The following MYL12A variants were observed in gnomAD, a reference collection of about 807,000 sequenced individuals.
MYL12A encodes myosin light chain 12A.
MYL12A carries 11 observed loss-of-function variants against 13.3 expected under a neutral mutation model. The ratio of observed to expected loss-of-function variants is 0.83; its 90% CI spans 0.52 to 1.37. The LOEUF is 1.37. MYL12A is among the 40% of genes most tolerant of loss of function. MYL12A has a pLI of 0.00. For synonymous variants in MYL12A, 51 were observed against 69.9 expected (o/e 0.73, Z 1.35); for missense variants, 146 against 212.3 (o/e 0.69, Z 1.94).
chr18:3,252,969 T>C (rs1360893990), intron 1 of MYL12A, among the ~76,000 whole-genome samples: 2 of 151,890 alleles, frequency 1.3e-5, no homozygotes, highest in Non-Finnish European at 2.9e-5. Context: ...AACTTGGGAG[T>C]TTCCTAAGTA....
At chr18:3,252,085 A>G in intron 1 of MYL12A, 1 of 425,408 alleles carries the variant, frequency 2.4e-6, no homozygotes, top group Non-Finnish European at 4.2e-6. Flanking sequence ...GCTGAGATCT[A>G]GGTGGTAGTT....
Position 3,253,930 on chromosome 18 carries a change from G to A in MYL12A, c.223G>A (p.Glu75Lys). 6.2e-7 allele frequency: 1 copy of A among 1,612,572 alleles called. No individual in the cohort carries two copies. The highest frequency in any genetic ancestry group is 8.5e-7 in the Non-Finnish European group (1 of 1,179,648). ...TDEYLDAMMN[E>K]APGPINFTMF... The stretch of plus-strand genomic sequence containing the variant: ...TGAGTATCTAGATGCCATGATGAAT[G>A]AGGCTCCAGGCCCCATCAATTTCAC... Residue 75 changes from glutamate (E) to lysine (K), a missense_variant, in exon 3 of 4, where the codon GAG (glutamate) becomes AAG (lysine). Glu to Lys is a moderately conservative substitution (Grantham distance 56, BLOSUM62 1). Coordinates refer to ENST00000217652, the MANE Select transcript of MYL12A (RefSeq NM_006471.4).
Position 3,256,100 on chromosome 18 carries a change from G to A in MYL12A, c.*182G>A. On this transcript the variant is annotated 3_prime_UTR_variant, in exon 4 of 4. Coordinates refer to ENST00000217652, the MANE Select transcript of MYL12A (RefSeq NM_006471.4). ...GGACTTTCTATTAATATCATTTTCA[G>A]AATAAAAAATAGGATAATTTAACCT... is the stretch of plus-strand genomic sequence containing the variant. The A allele has an allele frequency of 1.3e-6, 1 of 754,596 alleles. No homozygotes were observed. 46.7% of individuals were successfully genotyped at this position (754,596 alleles called of 1,614,324 possible).
intron 3 of MYL12A, 27 bp from the exon 4 acceptor site, chr18:3,255,719 T>C: frequency 6.2e-7 from 1 of 1,605,046 alleles, no homozygotes; most frequent in Non-Finnish European, 8.5e-7. Flanking sequence ...TAGTATGTAT[T>C]CTGATCCCTT....
At chr18:3,253,159 A>G in intron 1 of MYL12A, 74 bp from the exon 2 acceptor site, 1 of 1,475,080 alleles carries the variant, frequency 6.8e-7, no homozygotes, top group Non-Finnish European at 9.2e-7. Flanking sequence ...ACTTTTGTTA[A>G]TCATTGTTTT....
chr18:3,253,567 C>A, intron 2 of MYL12A, 139 bp downstream of exon 2: 1 of 1,120,242 alleles, frequency 8.9e-7, no homozygotes, highest in Non-Finnish European at 1.3e-6. Flanking sequence ...ACAGTGTTTC[C>A]CACCGGATCA....
In MYL12A at chr18:3,256,216, A is replaced by C. The variant is rs1175191585; in HGVS notation, c.*298A>C. 1 of 279,386 alleles carries C rather than the reference A, an allele frequency of 3.6e-6. No homozygotes were observed. Among genetic ancestry groups the C allele is most frequent in the Non-Finnish European group, 6.6e-6 (1 of 150,664 alleles). The allele number at this position is 279,386 out of a possible 1,614,324, so 17.3% of individuals were successfully genotyped here. ...TTCGCTCGATTTTTTCTGAATCATA[A>C]TTAAACTTTATGATAAAATACTTAC... On this transcript the variant is annotated 3_prime_UTR_variant, in exon 4 of 4. Coordinates refer to ENST00000217652, the MANE Select transcript of MYL12A (RefSeq NM_006471.4).
intron 1 of MYL12A, chr18:3,252,538 T>G: frequency 9.0e-7 from 1 of 1,113,252 alleles, no homozygotes; most frequent in South Asian, 2.1e-5. Context: ...CTTTTAAAAT[T>G]ATTTTAAAAG....
Position 3,253,220 on chromosome 18 carries a change from C to A in MYL12A, c.-15-13C>A. The A allele has an allele frequency of 6.3e-7, 1 of 1,577,836 alleles. No individual in the cohort carries two copies. Among genetic ancestry groups the A allele is most frequent in the Non-Finnish European group, 8.6e-7 (1 of 1,159,986 alleles). On this transcript the variant is annotated splice_polypyrimidine_tract_variant and intron_variant, in intron 1 of 3. Transcript: ENST00000217652. ...GTTGATTTGGTTTTTATTGTATTTC[C>A]TTTCCTAATTAGGACTTAACCACCA...
At chr18:3,253,101 G>A in intron 1 of MYL12A, 132 bp from the exon 2 acceptor site, 2 of 944,132 alleles carry the variant, frequency 2.1e-6, no homozygotes, top group Non-Finnish European at 3.1e-6. Context: ...GTCTTCTAAA[G>A]ACACATTTCT....
chr18:3,252,388 T>C, intron 1 of MYL12A: 1 of 1,502,018 alleles, frequency 6.7e-7, no homozygotes, highest in Non-Finnish European at 8.9e-7. Context: ...TTTTGTAGTT[T>C]TTAACAGATT....
chr18:3,254,128 TATG>T (rs374042292), intron 3 of MYL12A, 78 bp downstream of exon 3: 12 of 1,491,258 alleles, frequency 8.0e-6, no homozygotes, highest in Middle Eastern at 2.3e-4. Flanking sequence ...TAACTTAAAA[TATG>T]ATAACGCTCT....
At position 3,253,408 on chromosome 18, in the gene MYL12A, A is replaced by G. The variant is rs767393323; in HGVS notation, c.161A>G (p.His54Arg). The G allele has an allele frequency of 5.6e-6, 9 of 1,613,498 alleles. No homozygotes were observed. The African/African-American group carries it at 6.7e-5, about 12-fold the overall frequency. Residue 54 changes from histidine (H) to arginine (R), a missense_variant, in exon 2 of 4, where the codon CAT becomes CGT. By Grantham distance (29) the His-to-Arg change is conservative (BLOSUM62 0). Transcript: ENST00000217652. ...RDGFIDKEDL[H>R]DMLASLGKNP... The stretch of plus-strand genomic sequence containing the variant: ...GGTTTCATCGACAAGGAAGATTTGC[A>G]TGATATGCTTGCTTCATTGGGTAAT...
intron 3 of MYL12A, among the ~76,000 whole-genome samples, chr18:3,254,674 C>G (rs948158417): frequency 5.3e-5 from 8 of 152,214 alleles, no homozygotes; most frequent in Non-Finnish European, 1.0e-4. Context: ...AAGTACTTAG[C>G]ATACTGTGTG....
intron 1 of MYL12A, chr18:3,252,320 A>G (rs2081494354): frequency 6.5e-7 from 1 of 1,533,584 alleles, no homozygotes; most frequent in Admixed American, 2.0e-5. Flanking sequence ...GCAACTCTGA[A>G]GGATGGTATG....
intron 1 of MYL12A, chr18:3,252,562 T>G: frequency 1.0e-6 from 1 of 983,890 alleles, no homozygotes. Flanking sequence ...GTGCTCTGAT[T>G]TCTGTTTAGA....
chr18:3,249,087 G>A (rs1239210055), intron 1 of MYL12A, among the ~76,000 whole-genome samples: 1 of 152,184 alleles, frequency 6.6e-6, no homozygotes, highest in African/African-American at 2.4e-5. Context: ...CAATTTGAGT[G>A]TTCGTTTTGT....
rs370830115 is a variant in MYL12A, at chr18:3,253,435, C to T, written c.181+7C>T. On this transcript the variant is annotated splice_region_variant and intron_variant, in intron 2 of 3. Transcript: ENST00000217652. ...GATATGCTTGCTTCATTGGGTAATG[C>T]TCAGTTTAAATATTAATCTATTGGA... is the stretch of plus-strand genomic sequence containing the variant. 3.8e-5 allele frequency: 61 copies of T among 1,612,042 alleles called. No individual in the cohort carries two copies. Among genetic ancestry groups the T allele is most frequent in the Non-Finnish European group, 4.9e-5 (58 of 1,178,746 alleles).
chr18:3,251,479 C>T (rs1170919566), intron 1 of MYL12A, among the ~76,000 whole-genome samples: 2 of 152,140 alleles, frequency 1.3e-5, no homozygotes, highest in South Asian at 2.1e-4. Flanking sequence ...CTTGCAAAGG[C>T]GTGACATGCC....
Sources: gnomAD v4.1 joint callset for allele counts (sites outside exome capture counted in the v4.1 genomes callset) on GRCh38, gnomAD v4.1.1 for gene constraint, MANE v1.5 for transcripts, NCBI Gene and HGNC (gene_info 2026-07-23, HGNC 2026-07-21) for gene names.